EYS: variants seen among roughly 807,000 people sequenced by gnomAD.
The protein encoded by EYS is protein eyes shut homolog.
Under a neutral mutation model 282.1 loss-of-function variants are expected in EYS, and 250 were observed. The observed-to-expected ratio is 0.89, with a 90% confidence interval of 0.80 to 0.98. EYS has a LOEUF of 0.98. EYS is among the 50% of genes least tolerant of loss of function. The probability of loss-of-function intolerance (pLI) is 0.00; values close to 1 mark genes in which losing one functional copy is unlikely to be tolerated. For synonymous variants in EYS, 1,355 were observed against 1,282.9 expected (o/e 1.06, Z -1.20); for missense variants, 4,016 against 3,709.0 (o/e 1.08, Z -2.15).
chr6:64,207,813 AC>A (rs1765654055), intron 31 of EYS, among the ~76,000 whole-genome samples: 1 of 151,998 alleles, frequency 6.6e-6, no homozygotes, highest in African/African-American at 2.4e-5. Context: ...ATGTGCCACC[AC>A]ACCCGGCTAA....
intron 19 of EYS, among the ~76,000 whole-genome samples, chr6:64,869,344 T>C (rs983020533): frequency 6.6e-6 from 1 of 151,646 alleles, no homozygotes; most frequent in African/African-American, 2.4e-5. Flanking sequence ...TTTCAGCATC[T>C]CTTTTATATC....
rs149696661 is a variant in EYS, at chr6:64,000,709, G to A, written c.6726-1526C>T. Among the ~76,000 whole-genome samples, 360 of 152,100 alleles carry A rather than the reference G, an allele frequency of 2.4e-3. 2 individuals carry two copies. Among genetic ancestry groups the A allele is most frequent in the African/African-American group, 8.3e-3 (343 of 41,470 alleles). ...TCTTTCCCTTACCCCTCTTAAAGGC[G>A]CAACTGTGGGCTGGTTCCTTCTCCT... On this transcript the variant is annotated intron_variant, in intron 33 of 42. Coordinates refer to ENST00000503581, the MANE Select transcript of EYS (RefSeq NM_001142800.2).
chr6:65,507,814 G>T (rs1766712450), intron 2 of EYS, among the ~76,000 whole-genome samples: 1 of 151,784 alleles, frequency 6.6e-6, no homozygotes, highest in Non-Finnish European at 1.5e-5. Context: ...CCATCTCCCT[G>T]TTTACTCATT....
chr6:64,449,685 G>C (rs1016928836), intron 26 of EYS, among the ~76,000 whole-genome samples: 4 of 152,218 alleles, frequency 2.6e-5, no homozygotes, highest in Non-Finnish European at 4.4e-5. Flanking sequence ...AGCCAGAAGA[G>C]AGTGGGGGCC....
At chr6:64,826,954 C>A (rs1424782364) in intron 19 of EYS, among the ~76,000 whole-genome samples, 2 of 151,706 alleles carry the variant, frequency 1.3e-5, no homozygotes, top group Non-Finnish European at 2.9e-5. Context: ...TCCAATCTTT[C>A]CTTTCTTGTC....
intron 12 of EYS, among the ~76,000 whole-genome samples, chr6:65,275,797 C>G (rs1434331278): frequency 6.6e-6 from 1 of 152,102 alleles, no homozygotes; most frequent in Non-Finnish European, 1.5e-5. Context: ...TACCTGGTGG[C>G]AGATTGGTTA....
intron 15 of EYS, among the ~76,000 whole-genome samples, chr6:64,919,432 T>TC (rs931141984): frequency 2.7e-5 from 4 of 150,214 alleles, no homozygotes; most frequent in African/African-American, 9.7e-5. Context: ...TTTTTTTTTT[T>TC]TGTGAGGCTG....
At chr6:63,802,123 G>A (rs926743375) in intron 37 of EYS, among the ~76,000 whole-genome samples, 1 of 152,022 alleles carries the variant, frequency 6.6e-6, no homozygotes, top group Non-Finnish European at 1.5e-5. Context: ...TAATAATAAC[G>A]ATATGTTTTA....
chr6:65,131,239 TAAGTA>T lies in EYS; in HGVS notation c.2024-73517_2024-73513del, dbSNP rs143065881. Among the ~76,000 whole-genome samples the T allele has an allele frequency of 1.5e-3, 221 of 151,776 alleles. 3 individuals are homozygous for T. The East Asian group carries it at 0.027, about 19-fold the overall frequency. On this transcript the variant is annotated intron_variant, in intron 12 of 42. Coordinates refer to ENST00000503581, the MANE Select transcript of EYS (RefSeq NM_001142800.2). ...TAGATAAGTCAATAAAACTATAAAG[TAAGTA>T]AGGGGGAAAGCCAGAAACAACAGAA...
At chr6:65,009,586 G>A (rs1018616898) in intron 13 of EYS, among the ~76,000 whole-genome samples, 4 of 152,140 alleles carry the variant, frequency 2.6e-5, no homozygotes, top group Non-Finnish European at 4.4e-5. Flanking sequence ...TACCCCAAGG[G>A]TTCAGAGATA....
At chr6:64,382,912 T>A (rs1582677994) in intron 29 of EYS, among the ~76,000 whole-genome samples, 1 of 151,168 alleles carries the variant, frequency 6.6e-6, no homozygotes, top group African/African-American at 2.4e-5. Flanking sequence ...GGAAAAGAGG[T>A]TTCCTTCTGT....
intron 33 of EYS, among the ~76,000 whole-genome samples, chr6:64,030,670 A>G (rs1222848033): frequency 6.6e-6 from 1 of 152,180 alleles, no homozygotes; most frequent in Non-Finnish European, 1.5e-5. Flanking sequence ...TCCCTTTTCT[A>G]GGTCCCGTGT....
At chr6:64,888,221 G>A (rs566671447) in intron 18 of EYS, among the ~76,000 whole-genome samples, 60 of 152,026 alleles carry the variant, frequency 3.9e-4, no homozygotes, top group Non-Finnish European at 6.2e-4. Flanking sequence ...TGCACAGTAC[G>A]GTGACTGTAG....
chr6:63,820,028 G>A (rs1771281336), intron 36 of EYS, among the ~76,000 whole-genome samples: 1 of 152,112 alleles, frequency 6.6e-6, no homozygotes, highest in Admixed American at 6.5e-5. Flanking sequence ...GCCTTGCATG[G>A]CCTCTAATTC....
chr6:64,670,431 A>T (rs1169205208), intron 22 of EYS, among the ~76,000 whole-genome samples: 1 of 141,714 alleles, frequency 7.1e-6, no homozygotes, highest in Non-Finnish European at 1.5e-5. Context: ...ATAAATAAAT[A>T]AATAAATAAA....
At chr6:64,468,986 T>C (rs1302108506) in intron 26 of EYS, among the ~76,000 whole-genome samples, 2 of 152,168 alleles carry the variant, frequency 1.3e-5, no homozygotes, top group African/African-American at 4.8e-5. Flanking sequence ...GTCTTTTTGG[T>C]AGGATGATTT....
intron 26 of EYS, among the ~76,000 whole-genome samples, chr6:64,551,828 G>T (rs1033262541): frequency 6.6e-6 from 1 of 152,204 alleles, no homozygotes; most frequent in Non-Finnish European, 1.5e-5. Context: ...CACCAACAGT[G>T]TAAAAGTGTT....
At chr6:65,545,529 T>G (rs937234051) in intron 2 of EYS, among the ~76,000 whole-genome samples, 1 of 152,118 alleles carries the variant, frequency 6.6e-6, no homozygotes, top group Non-Finnish European at 1.5e-5. Context: ...ATGAAGAAAG[T>G]GGGATCAAAG....
intron 35 of EYS, among the ~76,000 whole-genome samples, chr6:63,917,105 G>T (rs1008565429): frequency 6.6e-6 from 1 of 152,310 alleles, no homozygotes; most frequent in South Asian, 2.1e-4. Context: ...AAATTCCTTG[G>T]TTTCTGATAC....
Sources: allele counts gnomAD v4.1 joint callset (sites outside exome capture counted in the v4.1 genomes callset), GRCh38; gene constraint gnomAD v4.1.1; transcripts MANE v1.5; gene names NCBI Gene and HGNC (gene_info 2026-07-23, HGNC 2026-07-21).